COL23A1: variants seen among roughly 807,000 people sequenced by gnomAD.
COL23A1 encodes collagen type XXIII alpha 1 chain, also known as collagen alpha-1(XXIII) chain.
Under a neutral mutation model 99.3 loss-of-function variants are expected in COL23A1, and 97 were observed. The observed-to-expected ratio is 0.98, with a 90% confidence interval of 0.83 to 1.16. The LOEUF (loss-of-function observed/expected upper bound fraction) is 1.16. Among genes scored for constraint, COL23A1 ranks in the 50% most tolerant of loss-of-function variants. The pLI is 0.00. For synonymous variants in COL23A1, 320 were observed against 308.2 expected (o/e 1.04, Z -0.40); for missense variants, 762 against 757.4 (o/e 1.01, Z -0.07).
intron 2 of COL23A1, among the ~76,000 whole-genome samples, chr5:178,371,448 G>A (rs951149013): frequency 1.3e-5 from 2 of 152,140 alleles, no homozygotes; most frequent in African/African-American, 4.8e-5. Context: ...TGGGCCTCGC[G>A]GGCTTGGTTC....
chr5:178,394,807 G>A (rs993137769), intron 2 of COL23A1, among the ~76,000 whole-genome samples: 3 of 152,182 alleles, frequency 2.0e-5, no homozygotes, highest in African/African-American at 7.2e-5. Flanking sequence ...TCGGGCAAGG[G>A]CTGAGGGGAA....
At chr5:178,496,378 TGAGA>T (rs750620546) in intron 2 of COL23A1, among the ~76,000 whole-genome samples, 13 of 152,134 alleles carry the variant, frequency 8.5e-5, no homozygotes, top group Non-Finnish European at 1.5e-4. Flanking sequence ...CAGCTGCCCA[TGAGA>T]AAGAAGGGCA....
chr5:178,328,470 C>T (rs925589595), intron 2 of COL23A1, among the ~76,000 whole-genome samples: 1 of 152,244 alleles, frequency 6.6e-6, no homozygotes, highest in African/African-American at 2.4e-5. Flanking sequence ...CTGACTCTTT[C>T]ATAGGCTATT....
At chr5:178,477,287 G>T (rs2127946223) in intron 2 of COL23A1, among the ~76,000 whole-genome samples, 1 of 152,328 alleles carries the variant, frequency 6.6e-6, no homozygotes, top group African/African-American at 2.4e-5. Flanking sequence ...CTGAGCAGGA[G>T]AAACAGGGAC....
intron 1 of COL23A1, among the ~76,000 whole-genome samples, chr5:178,588,365 G>A (rs1764103974): frequency 6.6e-6 from 1 of 152,182 alleles, no homozygotes; most frequent in African/African-American, 2.4e-5. Context: ...GTTGTATCAG[G>A]ACTTCTGATT....
At chr5:178,485,792 A>AC (rs1363644050) in intron 2 of COL23A1, among the ~76,000 whole-genome samples, 3 of 151,570 alleles carry the variant, frequency 2.0e-5, no homozygotes, top group African/African-American at 7.3e-5. Flanking sequence ...AAAAAAAAAA[A>AC]AAAAAACACA....
At chr5:178,549,504 C>T (rs1034375871) in intron 2 of COL23A1, among the ~76,000 whole-genome samples, 1 of 152,074 alleles carries the variant, frequency 6.6e-6, no homozygotes. Context: ...GAACTGGTAC[C>T]TTGGCTCTGT....
rs189480381 is a variant in COL23A1, at chr5:178,527,490, T to A, written c.361+33192A>T. Among the ~76,000 whole-genome samples the A allele has an allele frequency of 5.8e-4, 88 of 152,352 alleles. 1 individual carries two copies. Among genetic ancestry groups the A allele is most frequent in the South Asian group, 2.3e-3 (11 of 4,824 alleles). ...CCCCGCAGCCTTCTAAGAGAACGTC[T>A]CCTGCTCAGGTTCTATTTCCAGGAA... is the stretch of plus-strand genomic sequence containing the variant. On this transcript the variant is annotated intron_variant, in intron 2 of 28. Transcript: ENST00000390654.
chr5:178,406,762 T>C (rs1355451006), intron 2 of COL23A1, among the ~76,000 whole-genome samples: 8 of 152,178 alleles, frequency 5.3e-5, no homozygotes, highest in African/African-American at 1.9e-4. Flanking sequence ...TAAAATAATA[T>C]TGGGATTCAC....
intron 2 of COL23A1, among the ~76,000 whole-genome samples, chr5:178,471,129 C>T (rs1048924070): frequency 3.3e-5 from 5 of 152,250 alleles, no homozygotes; most frequent in African/African-American, 1.2e-4. Context: ...GGCTAATTTG[C>T]AGAGCAGTTA....
At chr5:178,358,558 G>A (rs989391031) in intron 2 of COL23A1, among the ~76,000 whole-genome samples, 8 of 147,840 alleles carry the variant, frequency 5.4e-5, no homozygotes, top group African/African-American at 1.5e-4. Context: ...GTATGTGTAC[G>A]TGTGTATGTC....
chr5:178,240,844 A>G (rs1468078075), intron 27 of COL23A1, among the ~76,000 whole-genome samples: 3 of 152,186 alleles, frequency 2.0e-5, no homozygotes, highest in African/African-American at 4.8e-5. Context: ...CCACGTCTGA[A>G]TATCTGTCCA....
chr5:178,245,866 G>T, intron 25 of COL23A1, 76 bp downstream of exon 25: 1 of 1,537,332 alleles, frequency 6.5e-7, no homozygotes, highest in Non-Finnish European at 9.0e-7. Flanking sequence ...TGAGTAGCCA[G>T]ATCAGGTTAC....
chr5:178,243,107 C>G (rs1350526792), intron 25 of COL23A1, among the ~76,000 whole-genome samples: 1 of 151,724 alleles, frequency 6.6e-6, no homozygotes, highest in East Asian at 1.9e-4. Context: ...GGAGAATTGC[C>G]TGAACCTGAG....
intron 2 of COL23A1, among the ~76,000 whole-genome samples, chr5:178,536,726 C>T (rs1006113203): frequency 1.1e-4 from 16 of 152,158 alleles, no homozygotes; most frequent in Non-Finnish European, 1.5e-5. Flanking sequence ...TTCTTGAAAG[C>T]GATGATGACC....
intron 2 of COL23A1, among the ~76,000 whole-genome samples, chr5:178,453,533 C>T (rs185988569): frequency 2.6e-5 from 4 of 152,272 alleles, no homozygotes; most frequent in Admixed American, 1.3e-4. Flanking sequence ...GAAGCACCCA[C>T]GCTTCAGCTG....
At position 178,403,131 on chromosome 5, in the gene COL23A1, T is replaced by TAAAA. The variant is rs1296208700; in HGVS notation, c.362-96216_362-96213dup. Among the ~76,000 whole-genome samples the TAAAA allele has an allele frequency of 3.3e-3, 243 of 74,304 alleles. 18 individuals carry two copies. Among genetic ancestry groups the TAAAA allele is most frequent in the African/African-American group, 9.9e-3 (226 of 22,882 alleles). The allele number at this position is 74,304 out of a possible 152,430, so 48.7% of individuals were successfully genotyped here. On this transcript the variant is annotated intron_variant, in intron 2 of 28. Transcript: ENST00000390654. Reference sequence around the variant, plus strand: ...CTCAAAAAAAAAAAAAATAAATAAATAAAAAATAAATACCATTTACCGAAA... The same window carrying TAAAA: ...CTCAAAAAAAAAAAAAATAAATAAATAAAAAAAAAATAAATACCATTTACCGAAA...
chr5:178,589,994 G>C lies in COL23A1; in HGVS notation c.204C>G (p.Leu68=). Residue 68 remains leucine (L), a synonymous_variant, in exon 1 of 29, where the codon CTC becomes CTG. Coordinates refer to ENST00000390654, the MANE Select transcript of COL23A1 (RefSeq NM_173465.4). The surrounding 1 kb of genome is among the most constrained non-coding windows in gnomAD (Gnocchi z 5.4). ...AAALQGRVAA[L]EEERELLRRA... is the part of the protein sequence containing the mutation. The stretch of plus-strand genomic sequence containing the variant: ...GCCGCAGCAGCTCCCGCTCCTCCTC[G>C]AGCGCCGCCACCCGGCCCTGCAGCG... 2 of 1,343,544 alleles carry C rather than the reference G, an allele frequency of 1.5e-6. No individual in the cohort carries two copies. The highest frequency in any genetic ancestry group is 1.9e-6 in the Non-Finnish European group (2 of 1,051,994). 83.2% of individuals were successfully genotyped at this position (1,343,544 alleles called of 1,614,324 possible).
chr5:178,560,822 A>C (rs2113566594), intron 1 of COL23A1, 74 bp from the exon 2 acceptor site: 1 of 1,445,708 alleles, frequency 6.9e-7, no homozygotes, highest in Admixed American at 2.1e-5. Context: ...AAAAGTGGAA[A>C]CATCAGCAAA....
Sources: allele counts gnomAD v4.1 joint callset (sites outside exome capture counted in the v4.1 genomes callset), GRCh38; gene constraint gnomAD v4.1.1; non-coding constraint Gnocchi (gnomAD v3.1); transcripts MANE v1.5; gene names NCBI Gene and HGNC (gene_info 2026-07-23, HGNC 2026-07-21).